SNRPD1: variants seen among roughly 807,000 people sequenced by gnomAD.
SNRPD1 encodes the protein small nuclear ribonucleoprotein Sm D1.
SNRPD1 carries 1 observed loss-of-function variant against 14.4 expected under a neutral mutation model. The ratio of observed to expected loss-of-function variants is 0.07; its 90% confidence interval spans 0.02 to 0.33. SNRPD1 has a LOEUF of 0.33. Ranked by LOEUF, SNRPD1 falls within the 10% of genes least tolerant of loss-of-function variation. The pLI is 1.00. For missense variants in SNRPD1, 52 were observed against 146.4 expected (o/e 0.36, Z 3.33); for synonymous variants, 42 against 50.3 (o/e 0.83, Z 0.70).
intron 1 of SNRPD1, among the ~76,000 whole-genome samples, chr18:21,617,066 G>GT (rs1367387715): frequency 2.0e-5 from 3 of 151,858 alleles, no homozygotes; most frequent in Admixed American, 6.6e-5. Flanking sequence ...GTCCAGGTTC[G>GT]TTTTTTTTCT....
chr18:21,632,961 C>T lies in SNRPD1; in HGVS notation c.*3823C>T, dbSNP rs1229758592. ...TGCCTCCCGGGTTCACGCCATTCTC[C>T]TGCCTCAGCCTCCTGAGTAGCTGAG... On this transcript the variant is annotated 3_prime_UTR_variant, in exon 4 of 4. Transcript: ENST00000300413. 6.6e-6 allele frequency: 1 copy of T among 152,022 alleles called. No homozygotes were observed. The highest frequency in any genetic ancestry group is 2.4e-5 in the African/African-American group (1 of 41,322). The allele number at this position is 152,022 out of a possible 1,614,324, so 9.4% of individuals were successfully genotyped here.
At chr18:21,619,173 G>C (rs2038978993) in intron 1 of SNRPD1, among the ~76,000 whole-genome samples, 1 of 152,012 alleles carries the variant, frequency 6.6e-6, no homozygotes, top group African/African-American at 2.4e-5. Context: ...GAGATGGTGT[G>C]ATCAATTTTT....
chr18:21,626,058 A>C (rs2039036074), intron 3 of SNRPD1, among the ~76,000 whole-genome samples: 1 of 152,202 alleles, frequency 6.6e-6, no homozygotes, highest in African/African-American at 2.4e-5. Context: ...TTCTAGACTT[A>C]CAGTTTTTGT....
chr18:21,625,314 AAAT>A, intron 3 of SNRPD1, among the ~76,000 whole-genome samples: 2 of 80,820 alleles, frequency 2.5e-5, no homozygotes, highest in African/African-American at 2.1e-4. Flanking sequence ...TTGTTGAAAA[AAAT>A]TTTTTTTTTT....
chr18:21,612,817 A>G (rs1056472672), intron 1 of SNRPD1, among the ~76,000 whole-genome samples: 3 of 152,224 alleles, frequency 2.0e-5, no homozygotes, highest in African/African-American at 7.2e-5. Flanking sequence ...ATCTGGAAAC[A>G]AACCTGTTTG....
At chr18:21,621,116 C>T (rs1044916622) in intron 1 of SNRPD1, among the ~76,000 whole-genome samples, 4 of 151,648 alleles carry the variant, frequency 2.6e-5, no homozygotes, top group Non-Finnish European at 2.9e-5. Context: ...TGCAGTGAGC[C>T]GAGATTGTGC....
intron 3 of SNRPD1, among the ~76,000 whole-genome samples, chr18:21,624,294 G>A (rs1457389230): frequency 1.3e-5 from 2 of 150,898 alleles, no homozygotes; most frequent in Non-Finnish European, 3.0e-5. Context: ...CAGGAGAATC[G>A]CTTGAACCCA....
At position 21,629,179 on chromosome 18, in the gene SNRPD1, T is replaced by G. The variant is rs756541252; in HGVS notation, c.*41T>G. ...CAAAGTCATATGAGATTTGGGATAT[T>G]TTTTGTACAGGTTGTGTTTGTTTAT... On this transcript the variant is annotated 3_prime_UTR_variant, in exon 4 of 4. Transcript: ENST00000300413. 3.8e-5 allele frequency: 54 copies of G among 1,436,036 alleles called. No individual in the cohort carries two copies. The Middle Eastern group carries it at 3.2e-3, about 84-fold the overall frequency. 89.0% of individuals were successfully genotyped at this position (1,436,036 alleles called of 1,614,324 possible).
chr18:21,621,265 TTG>T (rs1254139963), intron 1 of SNRPD1, among the ~76,000 whole-genome samples: 1 of 152,178 alleles, frequency 6.6e-6, no homozygotes, highest in East Asian at 1.9e-4. Flanking sequence ...TTATAGCAAC[TTG>T]TGTTGGTGAG....
Position 21,633,452 on chromosome 18 carries a change from G to C in SNRPD1, c.*4314G>C, listed in dbSNP as rs1319106727. 2.0e-5 allele frequency: 3 copies of C among 152,142 alleles called. No homozygotes were observed. The highest frequency in any genetic ancestry group is 1.3e-4 in the Admixed American group (2 of 15,282). 9.4% of individuals were successfully genotyped at this position (152,142 alleles called of 1,614,324 possible). A position where few individuals can be genotyped will look rare whatever the true frequency, so the allele number is the denominator to read the frequency against. ...CAGACATTTTCTAAAGGCATTAAAA[G>C]TATATCTGATACTGGCCTTTATTAA... On this transcript the variant is annotated 3_prime_UTR_variant, in exon 4 of 4. Coordinates refer to ENST00000300413, the MANE Select transcript of SNRPD1 (RefSeq NM_006938.4).
chr18:21,620,763 G>T (rs2038991147), intron 1 of SNRPD1, among the ~76,000 whole-genome samples: 2 of 152,130 alleles, frequency 1.3e-5, no homozygotes, highest in Admixed American at 1.3e-4. Context: ...CAACAAACTT[G>T]AATGACTGGC....
At chr18:21,621,492 C>T (rs2038997613) in intron 1 of SNRPD1, among the ~76,000 whole-genome samples, 1 of 152,132 alleles carries the variant, frequency 6.6e-6, no homozygotes, top group South Asian at 2.1e-4. Flanking sequence ...ATGCTGCCTC[C>T]CGGGTTCAAG....
At chr18:21,617,764 AG>A (rs1283036370) in intron 1 of SNRPD1, among the ~76,000 whole-genome samples, 1 of 152,140 alleles carries the variant, frequency 6.6e-6, no homozygotes, top group Admixed American at 6.6e-5. Flanking sequence ...GCACTTTGTG[AG>A]GCCGAGGCAG....
intron 1 of SNRPD1, among the ~76,000 whole-genome samples, chr18:21,622,209 G>C (rs1021001413): frequency 1.3e-5 from 2 of 151,114 alleles, no homozygotes; most frequent in Non-Finnish European, 2.9e-5. Flanking sequence ...GCGTGATCTC[G>C]GCTCACTGAG....
chr18:21,625,316 A>ATTTTTTTT (rs144395165), intron 3 of SNRPD1, among the ~76,000 whole-genome samples: 8 of 109,110 alleles, frequency 7.3e-5, no homozygotes, highest in African/African-American at 2.5e-4. Flanking sequence ...GTTGAAAAAA[A>ATTTTTTTT]TTTTTTTTTT....
chr18:21,613,509 G>A (rs2038934953), intron 1 of SNRPD1, among the ~76,000 whole-genome samples: 1 of 152,126 alleles, frequency 6.6e-6, no homozygotes, highest in Non-Finnish European at 1.5e-5. Flanking sequence ...AGTAGATAAC[G>A]TCTGAAGTAA....
intron 1 of SNRPD1, among the ~76,000 whole-genome samples, chr18:21,620,814 A>G (rs1208116715): frequency 6.6e-6 from 1 of 152,176 alleles, no homozygotes; most frequent in African/African-American, 2.4e-5. Context: ...CCTAATTGAG[A>G]ATGTCAATAA....
At chr18:21,614,222 G>A (rs1297390838) in intron 1 of SNRPD1, among the ~76,000 whole-genome samples, 1 of 152,060 alleles carries the variant, frequency 6.6e-6, no homozygotes, top group Non-Finnish European at 1.5e-5. Flanking sequence ...AGCTGAGATC[G>A]CACCACTGCA....
chr18:21,613,008 T>G (rs545974164), intron 1 of SNRPD1, among the ~76,000 whole-genome samples: 1 of 152,310 alleles, frequency 6.6e-6, no homozygotes, highest in Admixed American at 6.5e-5. Context: ...CGGCCGATTT[T>G]TAAGTTTACC....
Sources: gnomAD v4.1 joint callset for allele counts (sites outside exome capture counted in the v4.1 genomes callset) on GRCh38, gnomAD v4.1.1 for gene constraint, MANE v1.5 for transcripts, NCBI Gene and HGNC (gene_info 2026-07-23, HGNC 2026-07-21) for gene names.